GRIK1: variants seen among roughly 807,000 people sequenced by gnomAD.
GRIK1 encodes the protein glutamate ionotropic receptor kainate type subunit 1, also known as glutamate receptor ionotropic, kainate 1.
Under a neutral mutation model 105.7 loss-of-function variants are expected in GRIK1, and 69 were observed. The ratio of observed to expected loss-of-function variants is 0.65; its 90% confidence interval spans 0.54 to 0.80. GRIK1 has a LOEUF of 0.80. Ranked by LOEUF, GRIK1 falls within the 30% of genes least tolerant of loss-of-function variation. The probability of loss-of-function intolerance (pLI) is 0.00; values close to 1 mark genes in which losing one functional copy is unlikely to be tolerated. For synonymous variants in GRIK1, 438 were observed against 431.3 expected (o/e 1.02, Z -0.19); for missense variants, 1,109 against 1,167.3 (o/e 0.95, Z 0.73).
chr21:29,937,817 G>T (rs1281723419), intron 1 of GRIK1, among the ~76,000 whole-genome samples: 1 of 151,110 alleles, frequency 6.6e-6, no homozygotes, highest in Admixed American at 6.6e-5. Flanking sequence ...TTTGACCAGG[G>T]TGAGTAGAGT....
rs539543645 is a variant in GRIK1, at chr21:29,570,651, A to G, written c.2130+6313T>C. ...CCAAAACATCTCCAACAGTACCTGA[A>G]CACTTGATAAATGTTCTGCCTCCCT... On this transcript the variant is annotated intron_variant, in intron 14 of 17. Transcript: ENST00000327783. 7.2e-5 allele frequency among the ~76,000 whole-genome samples: 11 copies of G among 152,344 alleles called. No homozygotes were observed. The South Asian group carries it at 2.3e-3, about 32-fold the overall frequency.
At chr21:29,937,797 A>ATTTT (rs11410205) in intron 1 of GRIK1, among the ~76,000 whole-genome samples, 16 of 149,394 alleles carry the variant, frequency 1.1e-4, no homozygotes, top group African/African-American at 3.2e-4. Context: ...TGTTCAGAAT[A>ATTTT]TTTTTTTTTT....
At chr21:29,551,157 T>G (rs1032296702) in intron 16 of GRIK1, among the ~76,000 whole-genome samples, 4 of 152,232 alleles carry the variant, frequency 2.6e-5, no homozygotes, top group Admixed American at 6.5e-5. Flanking sequence ...ACTTTTCTAC[T>G]TTGTTGAAAA....
At chr21:29,891,621 A>G (rs961724669) in intron 1 of GRIK1, among the ~76,000 whole-genome samples, 72 of 152,330 alleles carry the variant, frequency 4.7e-4, no homozygotes, top group African/African-American at 1.7e-3. Context: ...ATTTGCAAGC[A>G]TTGAGCTTGT....
At chr21:29,836,317 T>A (rs392633) in intron 1 of GRIK1, among the ~76,000 whole-genome samples, 59,081 of 151,974 alleles carry the variant, frequency 0.39, 12,570 homozygotes, top group East Asian at 0.7. Flanking sequence ...GTAAAAGTAC[T>A]AAGTCAGATG....
chr21:29,689,642 C>T, intron 3 of GRIK1, 86 bp downstream of exon 3: 1 of 1,174,192 alleles, frequency 8.5e-7, no homozygotes, highest in Non-Finnish European at 1.3e-6. Flanking sequence ...TATGCTCCAT[C>T]TGATGAGTTT....
chr21:29,843,154 CA>C (rs2068026200), intron 1 of GRIK1, among the ~76,000 whole-genome samples: 1 of 152,094 alleles, frequency 6.6e-6, no homozygotes, highest in Non-Finnish European at 1.5e-5. Flanking sequence ...CTCACGTTGT[CA>C]AAGTACCATA....
At chr21:29,864,919 T>C (rs1287433304) in intron 1 of GRIK1, among the ~76,000 whole-genome samples, 1 of 152,100 alleles carries the variant, frequency 6.6e-6, no homozygotes, top group African/African-American at 2.4e-5. Context: ...TGGGTTGGGG[T>C]TGCTACTGGT....
At chr21:29,646,818 G>A (rs921551270) in intron 6 of GRIK1, among the ~76,000 whole-genome samples, 8 of 151,844 alleles carry the variant, frequency 5.3e-5, no homozygotes, top group Non-Finnish European at 7.4e-5. Flanking sequence ...ATTCTGCCAT[G>A]ATATTTCAGA....
At chr21:29,777,373 C>G (rs2065973570) in intron 1 of GRIK1, among the ~76,000 whole-genome samples, 1 of 152,146 alleles carries the variant, frequency 6.6e-6, no homozygotes, top group African/African-American at 2.4e-5. Flanking sequence ...GTTGCTTAGG[C>G]TATTAGTCAA....
intron 1 of GRIK1, among the ~76,000 whole-genome samples, chr21:29,744,052 A>G (rs911850810): frequency 2.6e-5 from 4 of 152,232 alleles, no homozygotes; most frequent in Non-Finnish European, 5.9e-5. Context: ...TATGTAATCA[A>G]CCTGCACTTG....
At chr21:29,721,941 T>C (rs1183868765) in intron 1 of GRIK1, among the ~76,000 whole-genome samples, 2 of 152,146 alleles carry the variant, frequency 1.3e-5, no homozygotes, top group Non-Finnish European at 2.9e-5. Context: ...ATGACACTCA[T>C]GGGTACAAGG....
At chr21:29,540,645 A>G (rs2089953695) in intron 16 of GRIK1, among the ~76,000 whole-genome samples, 1 of 152,144 alleles carries the variant, frequency 6.6e-6, no homozygotes, top group African/African-American at 2.4e-5. Flanking sequence ...ATAAAGATTG[A>G]GCTTCTGAAC....
intron 7 of GRIK1, among the ~76,000 whole-genome samples, chr21:29,602,510 T>C (rs1452163106): frequency 2.6e-5 from 4 of 152,136 alleles, no homozygotes; most frequent in Non-Finnish European, 5.9e-5. Context: ...GGTTTGAGGA[T>C]AAAGATTTGC....
In GRIK1 at chr21:29,894,957, A is replaced by T. The variant is rs146486477; in HGVS notation, c.118+44426T>A. ...TCATAATATCTATAAGTAGCCATTT[A>T]ATATGTTTAGAATGAACAAATGAAT... On this transcript the variant is annotated intron_variant, in intron 1 of 17. Coordinates refer to ENST00000327783, the MANE Select transcript of GRIK1 (RefSeq NM_001330994.2). Among the ~76,000 whole-genome samples the T allele has an allele frequency of 2.9e-3, 437 of 152,310 alleles. 2 individuals are homozygous for T. Among genetic ancestry groups the T allele is most frequent in the African/African-American group, 0.01 (423 of 41,538 alleles).
rs556385129 is a variant in GRIK1 at position 29,840,432 on chromosome 21, TA to T, written c.118+98950del. 2.9e-3 allele frequency among the ~76,000 whole-genome samples: 439 copies of T among 152,268 alleles called. 3 individuals are homozygous for T. The highest frequency in any genetic ancestry group is 9.7e-3 in the African/African-American group (402 of 41,566). On this transcript the variant is annotated intron_variant, in intron 1 of 17. Coordinates refer to ENST00000327783, the MANE Select transcript of GRIK1 (RefSeq NM_001330994.2). ...AGTCTATAAATAGCTTTGTCTTTCA[TA>T]TTTTTTTTTACACATAATTTTTGAG...
At chr21:29,800,236 A>G (rs1202187348) in intron 1 of GRIK1, among the ~76,000 whole-genome samples, 1 of 152,190 alleles carries the variant, frequency 6.6e-6, no homozygotes, top group African/African-American at 2.4e-5. Flanking sequence ...CCCTCTAGGC[A>G]TGCAACAATT....
chr21:29,861,896 C>A (rs1006618464), intron 1 of GRIK1, among the ~76,000 whole-genome samples: 2 of 152,076 alleles, frequency 1.3e-5, no homozygotes, highest in Non-Finnish European at 2.9e-5. Context: ...GCATCAAAAT[C>A]TTTGAGAGAT....
At chr21:29,821,157 T>A (rs1021947053) in intron 1 of GRIK1, among the ~76,000 whole-genome samples, 1 of 152,050 alleles carries the variant, frequency 6.6e-6, no homozygotes, top group Non-Finnish European at 1.5e-5. Context: ...TATAAATGAT[T>A]GATTAACACA....
Sources: allele counts gnomAD v4.1 joint callset (sites outside exome capture counted in the v4.1 genomes callset), GRCh38; gene constraint gnomAD v4.1.1; transcripts MANE v1.5; gene names NCBI Gene and HGNC (gene_info 2026-07-23, HGNC 2026-07-21).